CLSTN2: variants seen among roughly 807,000 people sequenced by gnomAD.
CLSTN2 encodes calsyntenin 2, also known as calsyntenin-2.
In CLSTN2, 48 loss-of-function variants were observed where a neutral mutation model predicts 101.2. The observed-to-expected ratio is 0.47, with a 90% CI of 0.38 to 0.60. CLSTN2 has a LOEUF of 0.60. Among genes scored for constraint, CLSTN2 ranks in the 20% least tolerant of loss-of-function variants. The pLI is 0.00. For synonymous variants in CLSTN2, 481 were observed against 463.6 expected, an observed-to-expected ratio of 1.04 and a Z score of -0.48; for missense variants, 1,160 against 1,238.2, an observed-to-expected ratio of 0.94 and a Z score of 0.95.
At chr3:140,185,146 G>A (rs990086838) in intron 2 of CLSTN2, among the ~76,000 whole-genome samples, 6 of 152,038 alleles carry the variant, frequency 3.9e-5, no homozygotes, top group African/African-American at 7.3e-5. Context: ...CCCAAGTCCG[G>A]GGGACTTGGC....
intron 1 of CLSTN2, among the ~76,000 whole-genome samples, chr3:140,153,500 G>A (rs1157218421): frequency 2.0e-5 from 3 of 152,264 alleles, no homozygotes; most frequent in African/African-American, 7.2e-5. Context: ...AGGGCAGCCA[G>A]TGATGCTGAA....
At chr3:140,238,027 G>A (rs1191717173) in intron 2 of CLSTN2, among the ~76,000 whole-genome samples, 5 of 152,162 alleles carry the variant, frequency 3.3e-5, no homozygotes, top group African/African-American at 1.2e-4. Context: ...ACATCAACAT[G>A]TGTTTGCACA....
rs555337445 is a variant in CLSTN2 at position 140,086,027 on chromosome 3, C to G, written c.110-89924C>G. ...TTTTAAGGTACATGTATTCAGCCAA[C>G]TATAAATCTCTCATGGGTCTCTTTT... On this transcript the variant is annotated intron_variant, in intron 1 of 16. Coordinates refer to ENST00000458420, the MANE Select transcript of CLSTN2 (RefSeq NM_022131.3). Among the ~76,000 whole-genome samples the G allele has an allele frequency of 9.5e-4, 145 of 152,296 alleles. 1 individual carries two copies. The highest frequency in any genetic ancestry group is 2.5e-3 in the African/African-American group (104 of 41,576).
chr3:140,023,615 G>A (rs2007361328), intron 1 of CLSTN2, among the ~76,000 whole-genome samples: 1 of 152,106 alleles, frequency 6.6e-6, no homozygotes. Flanking sequence ...CCCTCCAAGG[G>A]GGGAGCTGCT....
intron 1 of CLSTN2, among the ~76,000 whole-genome samples, chr3:140,141,638 G>A (rs1437021014): frequency 6.6e-6 from 1 of 152,222 alleles, no homozygotes; most frequent in East Asian, 1.9e-4. Flanking sequence ...CCTGGTTAGT[G>A]TCCATGCCTA....
At chr3:140,213,503 C>T (rs2010883232) in intron 2 of CLSTN2, among the ~76,000 whole-genome samples, 2 of 152,188 alleles carry the variant, frequency 1.3e-5, no homozygotes, top group South Asian at 4.1e-4. Flanking sequence ...GCCTTCTCTG[C>T]TGATTCTTAG....
chr3:140,354,210 G>C (rs1463238118), intron 2 of CLSTN2, among the ~76,000 whole-genome samples: 2 of 152,156 alleles, frequency 1.3e-5, no homozygotes, highest in Non-Finnish European at 2.9e-5. Context: ...CAACATCCTG[G>C]TTCCATAGGA....
At chr3:140,200,926 G>A (rs2010710458) in intron 2 of CLSTN2, among the ~76,000 whole-genome samples, 1 of 152,056 alleles carries the variant, frequency 6.6e-6, no homozygotes, top group African/African-American at 2.4e-5. Flanking sequence ...ATCACCAAAG[G>A]ACCTTGATAG....
chr3:140,286,179 G>A (rs1263352294), intron 2 of CLSTN2, among the ~76,000 whole-genome samples: 1 of 152,094 alleles, frequency 6.6e-6, no homozygotes, highest in Non-Finnish European at 1.5e-5. Flanking sequence ...CTCTGTCCAG[G>A]TCCTGATTCA....
intron 1 of CLSTN2, among the ~76,000 whole-genome samples, chr3:140,126,557 G>A (rs779919611): frequency 1.3e-5 from 2 of 152,102 alleles, no homozygotes; most frequent in East Asian, 3.9e-4. Context: ...AATTTGATTT[G>A]ATATTCTCCA....
At chr3:140,315,412 A>G (rs2087218931) in intron 2 of CLSTN2, among the ~76,000 whole-genome samples, 1 of 152,218 alleles carries the variant, frequency 6.6e-6, no homozygotes, top group Non-Finnish European at 1.5e-5. Flanking sequence ...GCAATCAACC[A>G]GGCTTCTCTG....
At chr3:140,329,022 AG>A (rs1450600467) in intron 2 of CLSTN2, among the ~76,000 whole-genome samples, 3 of 152,216 alleles carry the variant, frequency 2.0e-5, no homozygotes, top group Non-Finnish European at 4.4e-5. Flanking sequence ...ACTTTAAGCA[AG>A]TTACTTTCTC....
intron 1 of CLSTN2, among the ~76,000 whole-genome samples, chr3:140,122,451 T>C (rs892432782): frequency 6.6e-5 from 10 of 152,242 alleles, no homozygotes; most frequent in Non-Finnish European, 1.2e-4. Flanking sequence ...AGCTAAATCA[T>C]GGACTCCTGA....
At chr3:140,071,456 G>A (rs1007664117) in intron 1 of CLSTN2, among the ~76,000 whole-genome samples, 3 of 152,088 alleles carry the variant, frequency 2.0e-5, no homozygotes, top group South Asian at 2.1e-4. Context: ...ATGCAAAGAT[G>A]ACTAACAAAT....
At chr3:140,272,005 G>A (rs557607547) in intron 2 of CLSTN2, among the ~76,000 whole-genome samples, 222 of 152,264 alleles carry the variant, frequency 1.5e-3, no homozygotes, top group African/African-American at 5.2e-3. Flanking sequence ...TGATAATAGC[G>A]GTGTTTAGAG....
chr3:140,235,611 C>T (rs2086410147), intron 2 of CLSTN2, among the ~76,000 whole-genome samples: 1 of 152,168 alleles, frequency 6.6e-6, no homozygotes, highest in African/African-American at 2.4e-5. Context: ...TCTGGCTTAC[C>T]TTACCACTAT....
intron 9 of CLSTN2, among the ~76,000 whole-genome samples, chr3:140,546,156 A>C (rs988966885): frequency 1.3e-5 from 2 of 152,242 alleles, no homozygotes; most frequent in Non-Finnish European, 2.9e-5. Context: ...AGGCTTGTTC[A>C]GATGAAGTCC....
chr3:140,173,746 C>T (rs1022334012), intron 1 of CLSTN2, among the ~76,000 whole-genome samples: 29 of 152,314 alleles, frequency 1.9e-4, no homozygotes, highest in African/African-American at 6.3e-4. Flanking sequence ...CAAGACTTGG[C>T]GCTTGCACCA....
rs180967414 is a variant in CLSTN2 at position 140,015,738 on chromosome 3, C to T, written c.109+80255C>T. Among the ~76,000 whole-genome samples the T allele has an allele frequency of 3.9e-5, 6 of 152,322 alleles. No individual in the cohort carries two copies. The East Asian group carries it at 9.7e-4, about 25-fold the overall frequency. On this transcript the variant is annotated intron_variant, in intron 1 of 16. Transcript: ENST00000458420. ...AAGACTGTGGAAGCTGGGCCTAGGG[C>T]CCGATGATCAGGCCTGTCTGCCTAG...
Sources: allele counts gnomAD v4.1 joint callset (sites outside exome capture counted in the v4.1 genomes callset), GRCh38; gene constraint gnomAD v4.1.1; transcripts MANE v1.5; gene names NCBI Gene and HGNC (gene_info 2026-07-23, HGNC 2026-07-21).